The following SAXO1 variants were observed in gnomAD, a reference collection of about 807,000 sequenced individuals.
SAXO1 encodes 4930500O09Rik.
Under a neutral mutation model 17.5 loss-of-function variants are expected in SAXO1, and 21 were observed. The ratio of observed to expected loss-of-function variants is 1.20; its 90% CI spans 0.85 to 1.72. The LOEUF is 1.72. SAXO1 is among the 40% of genes most tolerant of loss of function. The pLI, the probability that SAXO1 is intolerant of heterozygous loss-of-function variation, is 0.00. For missense variants in SAXO1, 843 were observed against 596.0 expected, an observed-to-expected ratio of 1.41 and a Z score of -4.32; for synonymous variants, 274 against 216.5, an observed-to-expected ratio of 1.27 and a Z score of -2.33.
chr9:18,929,121 G>A, intron 3 of SAXO1, 66 bp from the exon 4 acceptor site: 1 of 1,548,464 alleles, frequency 6.5e-7, no homozygotes, highest in Non-Finnish European at 8.7e-7. Flanking sequence ...ATATTCTACA[G>A]AGCCCCAAGG....
chr9:19,038,613 G>T (rs1234178472), intron 1 of SAXO1, among the ~76,000 whole-genome samples: 1 of 116,264 alleles, frequency 8.6e-6, no homozygotes, highest in Non-Finnish European at 1.7e-5. Context: ...GTTGTGGGGT[G>T]GGGGGAGGGG....
intron 1 of SAXO1, among the ~76,000 whole-genome samples, chr9:18,963,197 C>T (rs562387785): frequency 4.6e-5 from 7 of 152,204 alleles, no homozygotes; most frequent in East Asian, 3.9e-4. Flanking sequence ...TTTTGGTTAT[C>T]GTAGCCTTGT....
At chr9:18,983,358 C>A (rs774650385) in intron 1 of SAXO1, among the ~76,000 whole-genome samples, 2 of 152,164 alleles carry the variant, frequency 1.3e-5, no homozygotes, top group Non-Finnish European at 2.9e-5. Context: ...ACCATGAGAA[C>A]AGCATGGGGG....
chr9:18,932,348 G>A (rs1831090728), intron 3 of SAXO1, among the ~76,000 whole-genome samples: 1 of 152,140 alleles, frequency 6.6e-6, no homozygotes, highest in Non-Finnish European at 1.5e-5. Flanking sequence ...TAGACATAAA[G>A]GCTTATTTCT....
At chr9:18,957,993 T>C (rs1262685182) in intron 1 of SAXO1, among the ~76,000 whole-genome samples, 1 of 152,162 alleles carries the variant, frequency 6.6e-6, no homozygotes, top group Non-Finnish European at 1.5e-5. Flanking sequence ...TTTACAGCAA[T>C]CTTGAGGCAA....
chr9:19,008,208 G>A (rs1450687599), intron 1 of SAXO1, among the ~76,000 whole-genome samples: 1 of 152,044 alleles, frequency 6.6e-6, no homozygotes, highest in Admixed American at 6.6e-5. Context: ...GAACTCCTAA[G>A]CTCAAGCGAT....
Position 18,927,981 on chromosome 9 carries a change from G to T in SAXO1, c.*71C>A. 1 of 1,435,490 alleles carries T rather than the reference G, an allele frequency of 7.0e-7. No homozygotes were observed. 88.9% of individuals were successfully genotyped at this position (1,435,490 alleles called of 1,614,324 possible). On this transcript the variant is annotated 3_prime_UTR_variant, in exon 4 of 4. Coordinates refer to ENST00000380534, the MANE Select transcript of SAXO1 (RefSeq NM_153707.4). ...TTGTCATTTTAGGGAATTCTTTTTT[G>T]TCCAACAAATAATTCTCAGTTGTCT...
At chr9:18,985,468 GCA>G (rs1833554337) in intron 1 of SAXO1, among the ~76,000 whole-genome samples, 1 of 152,190 alleles carries the variant, frequency 6.6e-6, no homozygotes, top group East Asian at 1.9e-4. Flanking sequence ...GTATGCCTAT[GCA>G]CACAGTGTAG....
intron 1 of SAXO1, among the ~76,000 whole-genome samples, chr9:19,029,112 G>T (rs1835644958): frequency 6.6e-6 from 1 of 152,162 alleles, no homozygotes; most frequent in Non-Finnish European, 1.5e-5. Context: ...GCAGCTGTGG[G>T]CAGCTGCTCC....
chr9:19,047,364 CA>C (rs891030085), intron 1 of SAXO1, among the ~76,000 whole-genome samples: 1 of 149,030 alleles, frequency 6.7e-6, no homozygotes, highest in African/African-American at 2.5e-5. Flanking sequence ...ACTCTGTCTC[CA>C]AAAAAAAGAA....
chr9:18,976,161 G>C (rs945524957), intron 1 of SAXO1, among the ~76,000 whole-genome samples: 4 of 152,192 alleles, frequency 2.6e-5, no homozygotes, highest in African/African-American at 9.7e-5. Flanking sequence ...CTCTAAGCCA[G>C]GATATGGGCA....
At chr9:18,952,440 G>T (rs2131732903) in intron 1 of SAXO1, among the ~76,000 whole-genome samples, 1 of 152,314 alleles carries the variant, frequency 6.6e-6, no homozygotes, top group Admixed American at 6.5e-5. Flanking sequence ...GCTCCTGCTA[G>T]TAAGTTCAAC....
chr9:18,974,698 G>GAC (rs201536544), intron 1 of SAXO1, among the ~76,000 whole-genome samples: 5,188 of 152,142 alleles, frequency 0.034, 288 homozygotes, highest in African/African-American at 0.12. Context: ...AGTACATACT[G>GAC]AGATATATAT....
intron 1 of SAXO1, among the ~76,000 whole-genome samples, chr9:18,965,385 A>G (rs2131773552): frequency 6.6e-6 from 1 of 152,290 alleles, no homozygotes; most frequent in South Asian, 2.1e-4. Context: ...GTGCAAGTCT[A>G]AGTCTCTTTG....
At position 18,978,323 on chromosome 9, in the gene SAXO1, T is replaced by C. The variant is rs535279044; in HGVS notation, c.39-27386A>G. On this transcript the variant is annotated intron_variant, in intron 1 of 3. Transcript: ENST00000380534. Reference sequence around the variant, plus strand: ...GCTCAACCTTTCACAGCCACTCACATTGTGAAACAGCAAACAGGACCCTGT... The same window carrying C: ...GCTCAACCTTTCACAGCCACTCACACTGTGAAACAGCAAACAGGACCCTGT... 6.6e-5 allele frequency among the ~76,000 whole-genome samples: 10 copies of C among 152,292 alleles called. No individual in the cohort carries two copies. In the South Asian group the frequency reaches 8.3e-4, roughly 13 times the overall value.
At chr9:18,980,857 C>T (rs1360043873) in intron 1 of SAXO1, among the ~76,000 whole-genome samples, 1 of 150,266 alleles carries the variant, frequency 6.7e-6, no homozygotes, top group Non-Finnish European at 1.5e-5. Flanking sequence ...ACCCTCACCG[C>T]TCATCCATCA....
intron 2 of SAXO1, among the ~76,000 whole-genome samples, chr9:18,947,343 TC>T (rs1389513162): frequency 2.6e-4 from 40 of 152,188 alleles, no homozygotes; most frequent in Admixed American, 2.6e-3. Flanking sequence ...TCTTAGCTCT[TC>T]CCTCCCTTAC....
At chr9:19,018,386 C>G (rs559570224) in intron 1 of SAXO1, among the ~76,000 whole-genome samples, 16 of 152,242 alleles carry the variant, frequency 1.1e-4, no homozygotes, top group African/African-American at 3.9e-4. Context: ...CCATCGTTGG[C>G]AGGAAGGTGC....
chr9:18,993,092 G>C (rs938134110), intron 1 of SAXO1, among the ~76,000 whole-genome samples: 10 of 151,910 alleles, frequency 6.6e-5, no homozygotes, highest in African/African-American at 2.2e-4. Flanking sequence ...GGGCCACCAT[G>C]CCCAGCCAGA....
Sources: allele counts gnomAD v4.1 joint callset (sites outside exome capture counted in the v4.1 genomes callset), GRCh38; gene constraint gnomAD v4.1.1; transcripts MANE v1.5; gene names NCBI Gene and HGNC (gene_info 2026-07-23, HGNC 2026-07-21).